TTYH2: variants seen among roughly 807,000 people sequenced by gnomAD.
TTYH2 encodes the protein protein tweety homolog 2.
A neutral mutation model predicts 68.3 loss-of-function variants in TTYH2; 49 were observed. The ratio of observed to expected loss-of-function variants is 0.72; its 90% CI spans 0.57 to 0.91. The LOEUF (loss-of-function observed/expected upper bound fraction) is 0.91. Among genes scored for constraint, TTYH2 ranks in the 40% least tolerant of loss-of-function variants. The pLI is 0.00. For missense variants in TTYH2, 631 were observed against 700.4 expected, an observed-to-expected ratio of 0.90 and a Z score of 1.12; for synonymous variants, 272 against 300.8, an observed-to-expected ratio of 0.90 and a Z score of 0.99.
intron 6 of TTYH2, among the ~76,000 whole-genome samples, chr17:74,247,504 G>T (rs948339136): frequency 6.6e-6 from 1 of 152,158 alleles, no homozygotes; most frequent in Non-Finnish European, 1.5e-5. Flanking sequence ...TGAAGAGCAG[G>T]CCTGGCCTGG....
intron 2 of TTYH2, among the ~76,000 whole-genome samples, chr17:74,228,770 A>G (rs2050357970): frequency 6.6e-6 from 1 of 151,884 alleles, no homozygotes; most frequent in Non-Finnish European, 1.5e-5. Flanking sequence ...CTAAGGCATG[A>G]CCCCTGCTGC....
intron 6 of TTYH2, among the ~76,000 whole-genome samples, chr17:74,247,261 G>A (rs1053089522): frequency 6.6e-5 from 10 of 151,260 alleles, no homozygotes; most frequent in Admixed American, 1.3e-4. Flanking sequence ...ACTTGCCCCC[G>A]TGACTCAGTT....
In TTYH2 at chr17:74,255,576, C is replaced by T. The variant is rs2050685589; in HGVS notation, c.1524+1743C>T. Reference sequence around the variant, plus strand: ...AAGTGATTCTCCTGCCTCAGCCTCCCTACTAGCTGGGATTACAGGCATGCA... The same window carrying T: ...AAGTGATTCTCCTGCCTCAGCCTCCTTACTAGCTGGGATTACAGGCATGCA... On this transcript the variant is annotated intron_variant, in intron 13 of 13. Transcript: ENST00000269346. Among the ~76,000 whole-genome samples the T allele has an allele frequency of 2.0e-5, 3 of 152,250 alleles. No homozygotes were observed. In the South Asian group the frequency reaches 6.2e-4, roughly 32 times the overall value.
rs371684143 is a variant in TTYH2, at chr17:74,247,695, C to A, written c.805-1316C>A. Among the ~76,000 whole-genome samples the A allele has an allele frequency of 2.0e-3, 301 of 152,328 alleles. 4 individuals carry two copies. Among genetic ancestry groups the A allele is most frequent in the African/African-American group, 6.9e-3 (288 of 41,576 alleles). On this transcript the variant is annotated intron_variant, in intron 6 of 13. Coordinates refer to ENST00000269346, the MANE Select transcript of TTYH2 (RefSeq NM_032646.6). ...TCCTCCACTTGGGCCTGGCTGCACT[C>A]TCTGTCACTCCAGCCAGGGGGTGGG...
At chr17:74,235,991 A>G (rs778154545) in intron 3 of TTYH2, among the ~76,000 whole-genome samples, 2 of 152,196 alleles carry the variant, frequency 1.3e-5, no homozygotes, top group Non-Finnish European at 2.9e-5. Context: ...TGCAAGGAGC[A>G]GTACCTTTAA....
chr17:74,222,376 CGA>C lies in TTYH2; in HGVS notation c.130-104_130-103del. On this transcript the variant is annotated intron_variant, in intron 1 of 13. Coordinates refer to ENST00000269346, the MANE Select transcript of TTYH2 (RefSeq NM_032646.6). The surrounding 1 kb of genome is among the most constrained non-coding windows in gnomAD (Gnocchi z 5.2). ...CCTAGGTGGAGCTTGGAAGGATGGACGAGAGATGCAGCTCAGGCAGTGGGGCA... is the reference window on the plus strand; with the variant it reads ...CCTAGGTGGAGCTTGGAAGGATGGACGAGATGCAGCTCAGGCAGTGGGGCA... The C allele has an allele frequency of 7.8e-7, 1 of 1,287,066 alleles. No homozygotes were observed. Among genetic ancestry groups the C allele is most frequent in the Non-Finnish European group, 1.1e-6 (1 of 947,164 alleles). The allele number at this position is 1,287,066 out of a possible 1,614,324, so 79.7% of individuals were successfully genotyped here. A position where few individuals can be genotyped will look rare whatever the true frequency, so the allele number is the denominator to read the frequency against.
intron 6 of TTYH2, among the ~76,000 whole-genome samples, chr17:74,245,684 G>A (rs1344877105): frequency 6.6e-6 from 1 of 152,238 alleles, no homozygotes; most frequent in Non-Finnish European, 1.5e-5. Context: ...GCAGGCGGTG[G>A]AGCTGAATGG....
intron 2 of TTYH2, among the ~76,000 whole-genome samples, chr17:74,230,589 C>T (rs568702757): frequency 1.1e-4 from 16 of 151,960 alleles, no homozygotes; most frequent in African/African-American, 3.4e-4. Flanking sequence ...TATATGGGAA[C>T]TCTCTACTGT....
chr17:74,219,143 G>A (rs2050250072), intron 1 of TTYH2, among the ~76,000 whole-genome samples: 1 of 151,906 alleles, frequency 6.6e-6, no homozygotes, highest in Admixed American at 6.6e-5. Flanking sequence ...CTTGAACCTG[G>A]GAGGCGGAGG....
chr17:74,246,681 C>G (rs532991677), intron 6 of TTYH2, among the ~76,000 whole-genome samples: 1 of 152,118 alleles, frequency 6.6e-6, no homozygotes, highest in Non-Finnish European at 1.5e-5. Flanking sequence ...GTAATGCACA[C>G]GTGTATTAGT....
In TTYH2 at chr17:74,223,983, A is replaced by C. The variant is rs77331910; in HGVS notation, c.302+1326A>C. On this transcript the variant is annotated intron_variant, in intron 2 of 13. Coordinates refer to ENST00000269346, the MANE Select transcript of TTYH2 (RefSeq NM_032646.6). ...AGCTCTGAGCACAAGGAAGGGGACC[A>C]AGGCTGCTGCAATACATGGCCGGGG... Among the ~76,000 whole-genome samples the C allele has an allele frequency of 2.9e-3, 443 of 152,366 alleles. 1 individual carries two copies. Among genetic ancestry groups the C allele is most frequent in the Non-Finnish European group, 2.8e-3 (192 of 68,028 alleles).
chr17:74,242,613 G>A (rs184445049), intron 4 of TTYH2, among the ~76,000 whole-genome samples: 2 of 152,136 alleles, frequency 1.3e-5, no homozygotes, highest in Admixed American at 6.5e-5. Flanking sequence ...GGCTGGTCTC[G>A]AACTCCTGGC....
At position 74,252,337 on chromosome 17, in the gene TTYH2, T is replaced by A. The variant is rs367606811; in HGVS notation, c.1220T>A (p.Ile407Asn). The A allele has an allele frequency of 2.5e-6, 4 of 1,613,950 alleles. No individual in the cohort carries two copies. The highest frequency in any genetic ancestry group is 3.4e-6 in the Non-Finnish European group (4 of 1,180,016). Residue 407 changes from isoleucine to asparagine, a missense_variant, in exon 11 of 14, where the codon ATC (isoleucine) becomes AAC (asparagine). Ile to Asn is a moderately radical substitution (Grantham distance 149). Transcript: ENST00000269346. The stretch of plus-strand genomic sequence containing the variant: ...GCCGCCCTCGCCTTCTCCACCATGA[T>A]CTGTGCAGGGCCAAGGGCCTGGAAG... ...FLAALAFSTM[I>N]CAGPRAWKHF...
intron 1 of TTYH2, among the ~76,000 whole-genome samples, chr17:74,218,217 C>T (rs1250300657): frequency 6.6e-6 from 1 of 152,104 alleles, no homozygotes; most frequent in Non-Finnish European, 1.5e-5. Context: ...TCTTTTCCCT[C>T]CTCCTTCCTC....
intron 3 of TTYH2, among the ~76,000 whole-genome samples, chr17:74,235,014 A>G (rs2050428457): frequency 6.6e-6 from 1 of 152,200 alleles, no homozygotes; most frequent in Non-Finnish European, 1.5e-5. Flanking sequence ...TCGAATCTGC[A>G]CATGGTAGAG....
In TTYH2 at chr17:74,260,074, G is replaced by A. The variant is rs2050733124; in HGVS notation, c.1525-55G>A. The A allele has an allele frequency of 6.5e-6, 10 of 1,532,020 alleles. No homozygotes were observed. The Admixed American group carries it at 6.7e-5, about 10-fold the overall frequency. The allele number at this position is 1,532,020 out of a possible 1,614,324, so 94.9% of individuals were successfully genotyped here. On this transcript the variant is annotated intron_variant, in intron 13 of 13. Transcript: ENST00000269346. Reference sequence around the variant, plus strand: ...CTGAGAAGTCCCCGGCACCTTTGCTGGTGCAGTGCTTGGCTGACTCAGCTC... The same window carrying A: ...CTGAGAAGTCCCCGGCACCTTTGCTAGTGCAGTGCTTGGCTGACTCAGCTC...
At chr17:74,246,152 C>T (rs1369944526) in intron 6 of TTYH2, among the ~76,000 whole-genome samples, 2 of 152,162 alleles carry the variant, frequency 1.3e-5, no homozygotes, top group African/African-American at 2.4e-5. Context: ...GAGGCAATGG[C>T]TGTCACAAGT....
At chr17:74,255,354 CCA>C (rs2050682637) in intron 13 of TTYH2, among the ~76,000 whole-genome samples, 1 of 152,236 alleles carries the variant, frequency 6.6e-6, no homozygotes, top group Non-Finnish European at 1.5e-5. Flanking sequence ...TGCGAAGCAT[CCA>C]GTGAGTGCCG....
intron 2 of TTYH2, among the ~76,000 whole-genome samples, chr17:74,229,249 C>T (rs887895874): frequency 3.3e-5 from 5 of 152,086 alleles, no homozygotes; most frequent in Non-Finnish European, 7.4e-5. Flanking sequence ...CTCAGTAGAC[C>T]TCAGCGATTC....
Sources: allele counts gnomAD v4.1 joint callset (sites outside exome capture counted in the v4.1 genomes callset), GRCh38; gene constraint gnomAD v4.1.1; non-coding constraint Gnocchi (gnomAD v3.1); transcripts MANE v1.5; gene names NCBI Gene and HGNC (gene_info 2026-07-23, HGNC 2026-07-21).